Variants in DPF3 observed in about 807,000 individuals in gnomAD.
DPF3 encodes the protein zinc finger protein DPF3.
A neutral mutation model predicts 56.8 loss-of-function variants in DPF3; 18 were observed. The ratio of observed to expected loss-of-function variants is 0.32; its 90% CI spans 0.22 to 0.47. The LOEUF (loss-of-function observed/expected upper bound fraction) is 0.47, where lower values mean the gene tolerates loss of function less well. Among genes scored for constraint, DPF3 ranks in the 20% least tolerant of loss-of-function variants. DPF3 has a pLI of 1.00. For synonymous variants in DPF3, 188 were observed against 180.2 expected, an observed-to-expected ratio of 1.04 and a Z score of -0.35; for missense variants, 403 against 488.8, an observed-to-expected ratio of 0.82 and a Z score of 1.65.
chr14:72,844,320 C>G (rs1884665285), intron 1 of DPF3, among the ~76,000 whole-genome samples: 1 of 152,190 alleles, frequency 6.6e-6, no homozygotes, highest in Non-Finnish European at 1.5e-5. Context: ...AATTTTAAGA[C>G]TAAGCATTCC....
At chr14:72,858,727 C>T (rs1448290026) in intron 1 of DPF3, among the ~76,000 whole-genome samples, 1 of 152,196 alleles carries the variant, frequency 6.6e-6, no homozygotes, top group Non-Finnish European at 1.5e-5. Context: ...TCCTTTTGAA[C>T]ATGCAAAGTA....
chr14:72,750,258 A>G (rs1483334015), intron 3 of DPF3, among the ~76,000 whole-genome samples: 1 of 152,200 alleles, frequency 6.6e-6, no homozygotes, highest in African/African-American at 2.4e-5. Flanking sequence ...AAATTGCTGT[A>G]TGACTTTGAA....
chr14:72,792,959 G>A (rs1892502561), intron 1 of DPF3, among the ~76,000 whole-genome samples: 1 of 151,412 alleles, frequency 6.6e-6, no homozygotes, highest in Admixed American at 6.6e-5. Flanking sequence ...CTGAAACACA[G>A]AACTGGGTGT....
chr14:72,748,763 T>A (rs1890432489), intron 3 of DPF3, among the ~76,000 whole-genome samples: 1 of 152,238 alleles, frequency 6.6e-6, no homozygotes, highest in African/African-American at 2.4e-5. Flanking sequence ...GCTCAGGCTG[T>A]GGCTTCAGAG....
At chr14:72,788,094 C>A (rs1076431) in intron 1 of DPF3, among the ~76,000 whole-genome samples, 4,067 of 152,296 alleles carry the variant, frequency 0.027, 170 homozygotes, top group African/African-American at 0.093. Context: ...GGTATGATCC[C>A]AGCCCTTCAC....
At chr14:72,849,078 T>C (rs1171945738) in intron 1 of DPF3, among the ~76,000 whole-genome samples, 1 of 152,194 alleles carries the variant, frequency 6.6e-6, no homozygotes, top group Non-Finnish European at 1.5e-5. Context: ...GCTGCATGGC[T>C]CGTTAGTGAC....
At chr14:72,674,458 C>A in intron 7 of DPF3, 90 bp from the exon 8 acceptor site, 1 of 1,487,106 alleles carries the variant, frequency 6.7e-7, no homozygotes, top group South Asian at 1.4e-5. Flanking sequence ...AGAATCTGCT[C>A]CAGAAGGAAT....
chr14:72,794,256 A>C (rs11627381), intron 1 of DPF3, among the ~76,000 whole-genome samples: 1 of 152,096 alleles, frequency 6.6e-6, no homozygotes, highest in African/African-American at 2.4e-5. Flanking sequence ...ATTAGTGGTT[A>C]TTACCACAAT....
intron 3 of DPF3, among the ~76,000 whole-genome samples, chr14:72,748,060 T>C (rs1890400156): frequency 1.3e-5 from 2 of 152,200 alleles, no homozygotes; most frequent in Non-Finnish European, 2.9e-5. Flanking sequence ...ACTTTGCAAC[T>C]GGGTAACAGG....
In DPF3 at chr14:72,619,356, A is replaced by C; in HGVS notation, c.1078T>G (p.Cys360Gly). 6.5e-7 allele frequency: 1 copy of C among 1,536,150 alleles called. No individual in the cohort carries two copies. The highest frequency in any genetic ancestry group is 8.7e-7 in the Non-Finnish European group (1 of 1,146,908). Residue 360 changes from cysteine (C) to glycine (G), a missense_variant, in exon 11 of 11, where the codon TGC becomes GGC. Coordinates refer to ENST00000556509, the MANE Select transcript of DPF3 (RefSeq NM_001280542.3). ...TTGAGCAGTTCCCAGCATAAGTGGC[A>C]GCTCCAGCTTCCTGCAAGAAATGAG... ...VAEPPEGSWS[C>G]HLCWELLKEK...
chr14:72,736,779 T>C (rs543859595), intron 3 of DPF3, among the ~76,000 whole-genome samples: 1 of 152,072 alleles, frequency 6.6e-6, no homozygotes, highest in Non-Finnish European at 1.5e-5. Flanking sequence ...TCTTTGAAAG[T>C]GTACTCATTT....
chr14:72,867,014 G>A (rs1247085942), intron 1 of DPF3, among the ~76,000 whole-genome samples: 2 of 138,794 alleles, frequency 1.4e-5, no homozygotes, highest in Admixed American at 6.9e-5. Context: ...AGGAAGCAAA[G>A]GCCTAGGTGC....
chr14:72,746,666 C>T (rs1037759194), intron 3 of DPF3, among the ~76,000 whole-genome samples: 11 of 152,334 alleles, frequency 7.2e-5, no homozygotes, highest in East Asian at 3.9e-4. Flanking sequence ...CCCCCGAGGG[C>T]GGATAATTGC....
At chr14:72,766,575 C>T (rs1320133571) in intron 2 of DPF3, among the ~76,000 whole-genome samples, 1 of 152,192 alleles carries the variant, frequency 6.6e-6, no homozygotes, top group East Asian at 1.9e-4. Context: ...CCTCAGCCTC[C>T]CAAGTAGCTG....
At chr14:72,787,289 C>A (rs1892250399) in intron 1 of DPF3, among the ~76,000 whole-genome samples, 1 of 152,238 alleles carries the variant, frequency 6.6e-6, no homozygotes, top group South Asian at 2.1e-4. Context: ...AAAAGCGGGT[C>A]TGCCCCTGTT....
At chr14:72,875,843 T>C (rs1740360804) in intron 1 of DPF3, among the ~76,000 whole-genome samples, 1 of 152,134 alleles carries the variant, frequency 6.6e-6, no homozygotes, top group Admixed American at 6.5e-5. Context: ...CAGGCAGCAC[T>C]ACCATCAGAA....
At chr14:72,631,081 C>A (rs1454320605) in intron 8 of DPF3, among the ~76,000 whole-genome samples, 1 of 152,170 alleles carries the variant, frequency 6.6e-6, no homozygotes, top group Non-Finnish European at 1.5e-5. Flanking sequence ...ACATAAGGAT[C>A]CTTCACATTT....
intron 2 of DPF3, among the ~76,000 whole-genome samples, chr14:72,754,362 C>T (rs11621588): frequency 6.6e-6 from 1 of 152,142 alleles, no homozygotes; most frequent in Non-Finnish European, 1.5e-5. Context: ...CAACAAATCC[C>T]TAATAGGAAG....
chr14:72,824,792 G>A (rs972711923), intron 1 of DPF3, among the ~76,000 whole-genome samples: 5 of 151,896 alleles, frequency 3.3e-5, no homozygotes, highest in Non-Finnish European at 5.9e-5. Flanking sequence ...GGCTGGTCTC[G>A]AACTCCCGAG....
Sources: gnomAD v4.1 joint callset for allele counts (sites outside exome capture counted in the v4.1 genomes callset) on GRCh38, gnomAD v4.1.1 for gene constraint, MANE v1.5 for transcripts, NCBI Gene and HGNC (gene_info 2026-07-23, HGNC 2026-07-21) for gene names.